NOD2: variants seen among roughly 807,000 people sequenced by gnomAD.
NOD2 encodes the protein nucleotide-binding oligomerization domain-containing protein 2.
A neutral mutation model predicts 90.9 loss-of-function variants in NOD2; 86 were observed. That is an observed-to-expected ratio of 0.95 (90% CI 0.79 to 1.13). NOD2 has a LOEUF of 1.13. NOD2 is among the 50% of genes most tolerant of loss of function. NOD2 has a pLI of 0.00. For synonymous variants in NOD2, 581 were observed against 554.6 expected, an observed-to-expected ratio of 1.05 and a Z score of -0.67; for missense variants, 1,238 against 1,283.8, an observed-to-expected ratio of 0.96 and a Z score of 0.55.
At chr16:50,727,179 A>G (rs1421994848) in intron 10 of NOD2, among the ~76,000 whole-genome samples, 1 of 152,072 alleles carries the variant, frequency 6.6e-6, no homozygotes, top group African/African-American at 2.4e-5. Flanking sequence ...AATAATTTAA[A>G]AAAAAGAGTC....
At chr16:50,698,447 G>C (rs1014433552) in intron 1 of NOD2, among the ~76,000 whole-genome samples, 1 of 152,216 alleles carries the variant, frequency 6.6e-6, no homozygotes, top group East Asian at 1.9e-4. Flanking sequence ...AAACAACTTA[G>C]TTTGCACCGT....
chr16:50,694,608 A>G (rs1023905657), intron 1 of NOD2, among the ~76,000 whole-genome samples: 1 of 152,174 alleles, frequency 6.6e-6, no homozygotes, highest in Non-Finnish European at 1.5e-5. Flanking sequence ...ATTACTGATG[A>G]GGTGGCTTTT....
At position 50,716,593 on chromosome 16, in the gene NOD2, C is replaced by A. The variant is rs757770726; in HGVS notation, c.2388C>A (p.Arg796=). 10 of 1,613,824 alleles carry A rather than the reference C, an allele frequency of 6.2e-6. No individual in the cohort carries two copies. The highest frequency in any genetic ancestry group is 8.5e-6 in the Non-Finnish European group (10 of 1,179,774). ...ATTTATTTTGTCTCTTTAGTTTGCG[C>A]GATAACAATATCTCAGACCGAGGCA... The part of the protein sequence containing the change: ...CLGVCKALYL[R]DNNISDRGIC... Residue 796 remains arginine, a synonymous_variant, in exon 5 of 12, where the codon CGC becomes CGA. Transcript: ENST00000647318.
intron 4 of NOD2, 23 bp downstream of exon 4, chr16:50,712,396 G>C: frequency 2.5e-6 from 4 of 1,612,164 alleles, no homozygotes; most frequent in Non-Finnish European, 3.4e-6. Flanking sequence ...GGGCATTGCT[G>C]TTCAGGTATG....
At chr16:50,716,459 A>G (rs1964797351) in intron 4 of NOD2, 128 bp from the exon 5 acceptor site, 2 of 916,462 alleles carry the variant, frequency 2.2e-6, no homozygotes, top group Admixed American at 2.0e-5. Flanking sequence ...TGCTCCATCT[A>G]TGCAGGGTTT....
chr16:50,732,406 C>T lies in NOD2; in HGVS notation c.*587C>T, dbSNP rs556994965. On this transcript the variant is annotated 3_prime_UTR_variant, in exon 12 of 12. Transcript: ENST00000647318. Reference sequence around the variant, plus strand: ...GACCTCAGCTTTGATATTTCACTTACAGCACCCCCAACCCTGGCACCCAGG... The same window carrying T: ...GACCTCAGCTTTGATATTTCACTTATAGCACCCCCAACCCTGGCACCCAGG... 3.7e-5 allele frequency: 6 copies of T among 161,168 alleles called. 1 individual carries two copies. In the South Asian group the frequency reaches 1.0e-3, roughly 27 times the overall value. The allele number at this position is 161,168 out of a possible 1,614,324, so 10.0% of individuals were successfully genotyped here. A position where few individuals can be genotyped will look rare whatever the true frequency, so the allele number is the denominator to read the frequency against.
Position 50,699,891 on chromosome 16 carries a change from G to A in NOD2, c.396G>A (p.Arg132=). 1.2e-6 allele frequency: 2 copies of A among 1,612,790 alleles called. No homozygotes were observed. The highest frequency in any genetic ancestry group is 1.1e-5 in the South Asian group (1 of 91,080). The change falls in exon 2 of 12, where the codon CGG becomes CGA. Residue 132 remains arginine, a synonymous_variant. Coordinates refer to ENST00000647318, the MANE Select transcript of NOD2 (RefSeq NM_001370466.1). ...VENMLDLAWE[R]GFVSQYECDE... ...ACATGCTGGACCTGGCATGGGAGCG[G>A]GGTTTCGTCAGCCAGTATGAATGTG...
intron 2 of NOD2, 58 bp from the exon 3 acceptor site, chr16:50,707,797 T>C: frequency 8.2e-7 from 1 of 1,217,092 alleles, no homozygotes; most frequent in Non-Finnish European, 1.2e-6. Flanking sequence ...TCAGTAAGCC[T>C]TCCCACATTG....
intron 10 of NOD2, chr16:50,728,408 A>G: frequency 3.5e-6 from 1 of 281,948 alleles, no homozygotes; most frequent in Non-Finnish European, 7.0e-6. Context: ...TCAAATAAGA[A>G]AATTGCTTGA....
intron 10 of NOD2, among the ~76,000 whole-genome samples, chr16:50,726,063 G>T (rs1965253817): frequency 6.6e-6 from 1 of 152,190 alleles, no homozygotes; most frequent in African/African-American, 2.4e-5. Context: ...CTCAGGCAGA[G>T]AGTGGAAGGT....
rs1219204741 is a variant in NOD2 at position 50,711,163 on chromosome 16, A to G, written c.1171A>G (p.Asn391Asp). The change falls in exon 4 of 12, where the codon AAT (asparagine) becomes GAT (aspartate). Residue 391 changes from asparagine to aspartate, a missense_variant. Asn to Asp is a conservative substitution (Grantham distance 23, BLOSUM62 1). Coordinates refer to ENST00000647318, the MANE Select transcript of NOD2 (RefSeq NM_001370466.1). ...FNLLQGNLLK[N>D]ARKVVTSRPA... ...CCTTCTGCAGGGCAACCTGCTGAAG[A>G]ATGCCCGCAAGGTGGTGACCAGCCG... 6.2e-7 allele frequency: 1 copy of G among 1,613,980 alleles called. No individual in the cohort carries two copies. The highest frequency in any genetic ancestry group is 8.5e-7 in the Non-Finnish European group (1 of 1,180,032).
Position 50,717,948 on chromosome 16 carries a change from T to C in NOD2, c.2549+974T>C, listed in dbSNP as rs1388122921. Among the ~76,000 whole-genome samples the C allele has an allele frequency of 3.9e-5, 6 of 152,350 alleles. No individual in the cohort carries two copies. In the East Asian group the frequency reaches 7.7e-4, roughly 20 times the overall value. On this transcript the variant is annotated intron_variant, in intron 6 of 11. Transcript: ENST00000647318. The stretch of plus-strand genomic sequence containing the variant: ...CATGGAGAGTATCAAGCCCTACACA[T>C]ACCATGCTTTTCCCAATACCTACAC...
At position 50,731,741 on chromosome 16, in the gene NOD2, C is replaced by G; in HGVS notation, c.2970-6C>G. 1 of 1,609,524 alleles carries G rather than the reference C, an allele frequency of 6.2e-7. No homozygotes were observed. ...CTCAAACCTCTGTTCACTTGATCTG[C>G]TTTAGGCTCCGAGGGAACACTTTCT... is the stretch of plus-strand genomic sequence containing the variant. On this transcript the variant is annotated splice_region_variant and splice_polypyrimidine_tract_variant and intron_variant, in intron 11 of 11. Coordinates refer to ENST00000647318, the MANE Select transcript of NOD2 (RefSeq NM_001370466.1).
At position 50,706,026 on chromosome 16, in the gene NOD2, A is replaced by G. The variant is rs139711137; in HGVS notation, c.460-1829A>G. ...AGTTGAGAGTTTGGGAAGGGGATAAATGATGGCAATTGTAAATAGAGTAGT... is the reference window on the plus strand; with the variant it reads ...AGTTGAGAGTTTGGGAAGGGGATAAGTGATGGCAATTGTAAATAGAGTAGT... On this transcript the variant is annotated intron_variant, in intron 2 of 11. Coordinates refer to ENST00000647318, the MANE Select transcript of NOD2 (RefSeq NM_001370466.1). Among the ~76,000 whole-genome samples the G allele has an allele frequency of 1.3e-3, 203 of 152,332 alleles. 1 individual carries two copies. Among genetic ancestry groups the G allele is most frequent in the Non-Finnish European group, 1.8e-4 (12 of 68,030 alleles).
intron 2 of NOD2, among the ~76,000 whole-genome samples, chr16:50,705,536 C>T (rs1287088894): frequency 6.6e-6 from 1 of 152,198 alleles, no homozygotes; most frequent in East Asian, 1.9e-4. Flanking sequence ...ATCTTTAGAT[C>T]TCGCCTCCTG....
chr16:50,716,939 G>T lies in NOD2; in HGVS notation c.2514G>T (p.Lys838Asn). The change falls in exon 6 of 12, where the codon AAG becomes AAT. Residue 838 changes from lysine to asparagine, a missense_variant. By Grantham distance (94) the Lys-to-Asn change is moderately conservative. This residue lies in a region of NOD2 where 667 missense variants were observed against 688.7 expected (regional missense o/e 0.97). Transcript: ENST00000647318. The part of the protein sequence containing the change: ...LTDGCAHSMA[K>N]LLACRQNFLA... ...ACGGCTGTGCACACTCCATGGCTAAGCTCCTTGCATGCAGGCAGAACTTCT... is the reference window on the plus strand; with the variant it reads ...ACGGCTGTGCACACTCCATGGCTAATCTCCTTGCATGCAGGCAGAACTTCT... 1.2e-6 allele frequency: 2 copies of T among 1,614,268 alleles called. No homozygotes were observed. The highest frequency in any genetic ancestry group is 1.7e-6 in the Non-Finnish European group (2 of 1,180,046).
At chr16:50,727,687 CT>C in intron 10 of NOD2, 1 of 369,962 alleles carries the variant, frequency 2.7e-6, no homozygotes, top group African/African-American at 2.1e-5. Flanking sequence ...ATTCATTCAA[CT>C]TTTGAAGCTT....
chr16:50,720,143 G>A (rs1049174385), intron 7 of NOD2, 135 bp downstream of exon 7: 2 of 741,252 alleles, frequency 2.7e-6, no homozygotes, highest in Admixed American at 2.4e-5. Context: ...GCCAGGGAGA[G>A]AGTGGGCGGC....
chr16:50,704,753 G>T (rs1435868775), intron 2 of NOD2, among the ~76,000 whole-genome samples: 1 of 152,120 alleles, frequency 6.6e-6, no homozygotes, highest in African/African-American at 2.4e-5. Flanking sequence ...TCTGACTTTA[G>T]GTGATCTGCC....
Sources: gnomAD v4.1 joint callset for allele counts (sites outside exome capture counted in the v4.1 genomes callset) on GRCh38, gnomAD v4.1.1 for gene constraint, gnomAD v4.1.1 regional missense constraint, MANE v1.5 for transcripts, NCBI Gene and HGNC (gene_info 2026-07-23, HGNC 2026-07-21) for gene names.